The following RANBP10 variants were observed in gnomAD, a reference collection of about 807,000 sequenced individuals.
RANBP10 encodes the protein ran-binding protein 10.
A neutral mutation model predicts 72.8 loss-of-function variants in RANBP10; 24 were observed. The ratio of observed to expected loss-of-function variants is 0.33; its 90% CI spans 0.24 to 0.46. The LOEUF (loss-of-function observed/expected upper bound fraction) is 0.46. RANBP10 is among the 20% of genes least tolerant of loss of function. The probability of loss-of-function intolerance (pLI) is 1.00; values close to 1 mark genes in which losing one functional copy is unlikely to be tolerated. For missense variants in RANBP10, 679 were observed against 817.5 expected (o/e 0.83, Z 2.07); for synonymous variants, 310 against 322.3 (o/e 0.96, Z 0.41).
At chr16:67,776,049 G>A (rs1387413462) in intron 2 of RANBP10, among the ~76,000 whole-genome samples, 2 of 151,954 alleles carry the variant, frequency 1.3e-5, no homozygotes, top group Middle Eastern at 3.4e-3. Context: ...GGAGGCTGAG[G>A]CAGGAGAATG....
chr16:67,791,610 A>G (rs1216640309), intron 2 of RANBP10, among the ~76,000 whole-genome samples: 4 of 152,126 alleles, frequency 2.6e-5, no homozygotes, highest in African/African-American at 4.8e-5. Context: ...CCCCAACCCT[A>G]GACCTCCCAG....
chr16:67,785,193 C>T (rs959185377), intron 2 of RANBP10, among the ~76,000 whole-genome samples: 2 of 150,608 alleles, frequency 1.3e-5, no homozygotes, highest in Admixed American at 1.3e-4. Flanking sequence ...TCCTGGGTGA[C>T]AGATCGAGAG....
chr16:67,737,454 G>A (rs557934267), intron 5 of RANBP10, among the ~76,000 whole-genome samples: 24 of 151,484 alleles, frequency 1.6e-4, no homozygotes, highest in African/African-American at 3.9e-4. Flanking sequence ...TGCCCACCTC[G>A]GCCTCCCAAA....
At chr16:67,768,505 A>G (rs2054545934) in intron 3 of RANBP10, among the ~76,000 whole-genome samples, 1 of 152,072 alleles carries the variant, frequency 6.6e-6, no homozygotes, top group Non-Finnish European at 1.5e-5. Flanking sequence ...TGGGTGACAG[A>G]GTGAGACTCT....
At chr16:67,799,444 T>G (rs1345961693) in intron 2 of RANBP10, among the ~76,000 whole-genome samples, 2 of 151,804 alleles carry the variant, frequency 1.3e-5, no homozygotes, top group Admixed American at 6.6e-5. Flanking sequence ...CCCGCCACCA[T>G]GCCTGGCTAA....
intron 2 of RANBP10, among the ~76,000 whole-genome samples, chr16:67,803,768 G>A (rs2055279072): frequency 6.7e-6 from 1 of 149,862 alleles, no homozygotes; most frequent in African/African-American, 2.5e-5. Context: ...GCTGCAGTGA[G>A]CTGTGATTGT....
intron 10 of RANBP10, among the ~76,000 whole-genome samples, chr16:67,728,946 A>G (rs1232659710): frequency 6.6e-6 from 1 of 152,168 alleles, no homozygotes; most frequent in Non-Finnish European, 1.5e-5. Flanking sequence ...TGCCTGCCCA[A>G]CCTGGCTGTC....
In RANBP10 at chr16:67,723,317, G is replaced by C. The variant is rs1216642221; in HGVS notation, c.*3111C>G. On this transcript the variant is annotated 3_prime_UTR_variant, in exon 14 of 14. Transcript: ENST00000317506. The stretch of plus-strand genomic sequence containing the variant: ...AATGCAGGAAAACCCAATGCAAAGA[G>C]GAAAATGCCTGAGGCAGCCAGAGGC... 1 of 152,680 alleles carries C rather than the reference G, an allele frequency of 6.5e-6. No individual in the cohort carries two copies. Among genetic ancestry groups the C allele is most frequent in the Non-Finnish European group, 1.5e-5 (1 of 68,060 alleles). The allele number at this position is 152,680 out of a possible 1,614,324, so 9.5% of individuals were successfully genotyped here.
intron 3 of RANBP10, among the ~76,000 whole-genome samples, chr16:67,758,342 G>T (rs893296120): frequency 2.0e-5 from 3 of 152,230 alleles, no homozygotes; most frequent in Non-Finnish European, 4.4e-5. Flanking sequence ...CAGGCTAGGT[G>T]TCTCTCTTCT....
chr16:67,768,443 C>G (rs1483339657), intron 3 of RANBP10, among the ~76,000 whole-genome samples: 1 of 152,062 alleles, frequency 6.6e-6, no homozygotes, highest in Non-Finnish European at 1.5e-5. Context: ...ATAGCTTGAA[C>G]CCGGGAGGTG....
At chr16:67,806,195 T>G in intron 1 of RANBP10, 107 bp downstream of exon 1, 1 of 1,124,096 alleles carries the variant, frequency 8.9e-7, no homozygotes, top group East Asian at 2.6e-5. Context: ...AAGCCCTAAC[T>G]TGGAGCACCT....
chr16:67,792,258 A>C (rs2055041929), intron 2 of RANBP10, among the ~76,000 whole-genome samples: 1 of 151,966 alleles, frequency 6.6e-6, no homozygotes, highest in African/African-American at 2.4e-5. Flanking sequence ...AGAACTATTC[A>C]AAAAATATAG....
chr16:67,805,402 A>C (rs1264570120), intron 2 of RANBP10, 26 bp downstream of exon 2: 6 of 1,586,146 alleles, frequency 3.8e-6, no homozygotes, highest in Non-Finnish European at 5.2e-6. Context: ...ATGATCAGGG[A>C]AAGAGGGTGG....
chr16:67,764,993 C>T (rs940155287), intron 3 of RANBP10, among the ~76,000 whole-genome samples: 3 of 151,820 alleles, frequency 2.0e-5, no homozygotes, highest in Non-Finnish European at 2.9e-5. Flanking sequence ...ATAAATAGTA[C>T]GAGAAGCAAA....
At chr16:67,736,645 C>T (rs2053854121) in intron 5 of RANBP10, among the ~76,000 whole-genome samples, 1 of 152,216 alleles carries the variant, frequency 6.6e-6, no homozygotes, top group East Asian at 1.9e-4. Context: ...CATGTCTTTC[C>T]CCCATACCTT....
intron 2 of RANBP10, among the ~76,000 whole-genome samples, chr16:67,776,447 C>A (rs1467231003): frequency 9.7e-6 from 1 of 103,376 alleles, no homozygotes; most frequent in African/African-American, 4.1e-5. Flanking sequence ...GGACAACAGA[C>A]ACGGACTCCA....
chr16:67,760,197 C>CA (rs2054369388), intron 3 of RANBP10, among the ~76,000 whole-genome samples: 1 of 152,048 alleles, frequency 6.6e-6, no homozygotes, highest in African/African-American at 2.4e-5. Flanking sequence ...TTGCTCAAAA[C>CA]AGAGACATCT....
rs192762903 is a variant in RANBP10 at position 67,764,094 on chromosome 16, C to T, written c.400+7940G>A. On this transcript the variant is annotated intron_variant, in intron 3 of 13. Transcript: ENST00000317506. ...AAATCAGGGAGATGCAGATTATCCT[C>T]TATATTCAAGAAACACTTACTTCAG... 4.6e-5 allele frequency among the ~76,000 whole-genome samples: 7 copies of T among 152,300 alleles called. No individual in the cohort carries two copies. In the East Asian group the frequency reaches 1.4e-3, roughly 29 times the overall value.
At chr16:67,797,684 C>A (rs1418714210) in intron 2 of RANBP10, among the ~76,000 whole-genome samples, 2 of 152,092 alleles carry the variant, frequency 1.3e-5, no homozygotes, top group African/African-American at 4.8e-5. Flanking sequence ...ATGGCACACG[C>A]CTGTAATCCC....
Sources: allele counts gnomAD v4.1 joint callset (sites outside exome capture counted in the v4.1 genomes callset), GRCh38; gene constraint gnomAD v4.1.1; transcripts MANE v1.5; gene names NCBI Gene and HGNC (gene_info 2026-07-23, HGNC 2026-07-21).